Variants in SOX6 observed in about 807,000 individuals in gnomAD.
SOX6 encodes the protein SRY-box transcription factor 6, also known as transcription factor SOX-6.
SOX6 carries 11 observed loss-of-function variants against 97.8 expected under a neutral mutation model. The observed-to-expected ratio is 0.11, with a 90% CI of 0.07 to 0.19. The LOEUF (loss-of-function observed/expected upper bound fraction) is 0.19. SOX6 is among the 10% of genes least tolerant of loss of function. The pLI is 1.00. For missense variants in SOX6, 810 were observed against 1,039.5 expected (o/e 0.78, Z 3.04); for synonymous variants, 360 against 371.4 (o/e 0.97, Z 0.35).
At chr11:16,620,862 T>C (rs1848536244) in intron 3 of SOX6, among the ~76,000 whole-genome samples, 1 of 152,150 alleles carries the variant, frequency 6.6e-6, no homozygotes. Context: ...TGCCATAATT[T>C]TATTTGAGCC....
At chr11:16,153,218 G>A (rs574864210) in intron 6 of SOX6, among the ~76,000 whole-genome samples, 15 of 151,898 alleles carry the variant, frequency 9.9e-5, no homozygotes, top group African/African-American at 3.6e-4. Context: ...ATGTTGGCCA[G>A]GCTGGTCTCA....
chr11:16,443,114 T>G (rs575496618), intron 1 of SOX6, among the ~76,000 whole-genome samples: 1 of 152,320 alleles, frequency 6.6e-6, no homozygotes, highest in East Asian at 1.9e-4. Context: ...TTTATCTCCA[T>G]GTCCTCTCCA....
At chr11:16,543,334 A>T in intron 4 of SOX6, among the ~76,000 whole-genome samples, 1 of 152,108 alleles carries the variant, frequency 6.6e-6, no homozygotes, top group East Asian at 1.9e-4. Flanking sequence ...GAATTTTACA[A>T]TATCAATAAT....
intron 1 of SOX6, among the ~76,000 whole-genome samples, chr11:16,393,661 A>G (rs1251213425): frequency 6.6e-6 from 1 of 152,010 alleles, no homozygotes; most frequent in African/African-American, 2.4e-5. Context: ...TTGGAACCCT[A>G]AGATATCAGG....
chr11:16,079,716 T>TA lies in SOX6; in HGVS notation c.1101+16279dup, dbSNP rs554440963. On this transcript the variant is annotated intron_variant, in intron 9 of 15. Coordinates refer to ENST00000683767, the MANE Select transcript of SOX6 (RefSeq NM_001367873.1). The stretch of plus-strand genomic sequence containing the variant: ...ACATTTTCTTCTGTATTTTTTAAAT[T>TA]AAAAAAAATGTTTTACCCCATTTCA... 7.9e-4 allele frequency among the ~76,000 whole-genome samples: 120 copies of TA among 151,980 alleles called. 1 individual carries two copies. Among genetic ancestry groups the TA allele is most frequent in the Non-Finnish European group, 1.2e-3 (82 of 67,930 alleles).
In SOX6 at chr11:16,389,969, TAAAAA is replaced by T. The variant is rs536056301; in HGVS notation, c.-4-48722_-4-48718del. Among the ~76,000 whole-genome samples the T allele has an allele frequency of 1.0e-3, 43 of 41,850 alleles. 2 individuals are homozygous for T. Among genetic ancestry groups the T allele is most frequent in the South Asian group, 9.4e-3 (5 of 530 alleles). The allele number at this position is 41,850 out of a possible 152,430, so 27.5% of individuals were successfully genotyped here. A position where few individuals can be genotyped will look rare whatever the true frequency, so the allele number is the denominator to read the frequency against. ...TGGGCGACAGGGCAAGACTCCGTCT[TAAAAA>T]AAAAAAAAAAAAAAAAAAAAAAGAA... On this transcript the variant is annotated intron_variant, in intron 1 of 15. Coordinates refer to the SOX6 transcript ENST00000396356.
At chr11:15,976,908 C>T (rs996615636) in intron 15 of SOX6, among the ~76,000 whole-genome samples, 1 of 152,044 alleles carries the variant, frequency 6.6e-6, no homozygotes, top group African/African-American at 2.4e-5. Context: ...TCTCTCTAGG[C>T]CACGAGTCTC....
chr11:16,734,920 T>C (rs1848380506), intron 2 of SOX6, among the ~76,000 whole-genome samples: 1 of 152,164 alleles, frequency 6.6e-6, no homozygotes, highest in Non-Finnish European at 1.5e-5. Context: ...AAGATAATAG[T>C]AGAAAATAAG....
rs76441036 is a variant in SOX6 at position 16,196,169 on chromosome 11, T to G, written c.536-9214A>C. ...GGGAAAAGCTTTATATATTAAGTCA[T>G]CTATTCCTCACAACAGTCCTATGAA... On this transcript the variant is annotated intron_variant, in intron 4 of 15. Transcript: ENST00000683767. 1.9e-3 allele frequency among the ~76,000 whole-genome samples: 288 copies of G among 152,350 alleles called. 5 individuals are homozygous for G. The East Asian group carries it at 0.052, about 28-fold the overall frequency.
chr11:16,514,215 C>CAAA (rs35019872), intron 4 of SOX6, among the ~76,000 whole-genome samples: 124 of 102,632 alleles, frequency 1.2e-3, no homozygotes, highest in East Asian at 6.1e-3. Context: ...GTCCCTGGCT[C>CAAA]AAAAAAAAAA....
chr11:16,082,854 C>A (rs1005528187), intron 9 of SOX6, among the ~76,000 whole-genome samples: 3 of 152,290 alleles, frequency 2.0e-5, no homozygotes, highest in African/African-American at 7.2e-5. Flanking sequence ...GTAAAAGGCA[C>A]TCTGTGATCT....
intron 1 of SOX6, among the ~76,000 whole-genome samples, chr11:16,467,375 A>G (rs1285180341): frequency 6.6e-6 from 1 of 152,218 alleles, no homozygotes; most frequent in African/African-American, 2.4e-5. Context: ...TAGCAAGGAC[A>G]AGAAATCAAC....
chr11:16,693,999 G>A (rs1219314876), intron 3 of SOX6, among the ~76,000 whole-genome samples: 1 of 152,146 alleles, frequency 6.6e-6, no homozygotes, highest in Non-Finnish European at 1.5e-5. Context: ...TCTCCTAGCT[G>A]AGCATTACTC....
intron 7 of SOX6, among the ~76,000 whole-genome samples, chr11:16,110,658 G>A (rs1321619664): frequency 1.3e-5 from 2 of 152,020 alleles, no homozygotes; most frequent in East Asian, 1.9e-4. Context: ...TGAATCATTC[G>A]TGTTTTGCCA....
intron 4 of SOX6, among the ~76,000 whole-genome samples, chr11:16,536,207 C>T (rs1196871894): frequency 6.6e-6 from 1 of 152,176 alleles, no homozygotes; most frequent in Non-Finnish European, 1.5e-5. Flanking sequence ...GAAATAATAT[C>T]TCTCTTCATT....
intron 7 of SOX6, among the ~76,000 whole-genome samples, 170 bp from the exon 8 acceptor site, chr11:16,097,858 C>A (rs1354449468): frequency 6.6e-6 from 1 of 151,800 alleles, no homozygotes; most frequent in Non-Finnish European, 1.5e-5. Flanking sequence ...TGCCTTGGAA[C>A]TTTTTGTTAA....
intron 1 of SOX6, among the ~76,000 whole-genome samples, chr11:16,428,113 C>T (rs1204862637): frequency 6.6e-6 from 1 of 152,200 alleles, no homozygotes; most frequent in Non-Finnish European, 1.5e-5. Flanking sequence ...TGTCTTTTGG[C>T]TGCATAAATG....
At chr11:16,723,507 A>C (rs150527104) in intron 2 of SOX6, among the ~76,000 whole-genome samples, 7 of 152,242 alleles carry the variant, frequency 4.6e-5, no homozygotes, top group African/African-American at 1.2e-4. Context: ...AGAAAAAAAA[A>C]ACTGAGAAAA....
At chr11:15,998,294 C>G (rs939390097) in intron 13 of SOX6, among the ~76,000 whole-genome samples, 5 of 150,098 alleles carry the variant, frequency 3.3e-5, no homozygotes, top group African/African-American at 1.2e-4. Context: ...ATACTAGCAA[C>G]AAACAATTAA....
Sources: gnomAD v4.1 joint callset for allele counts (sites outside exome capture counted in the v4.1 genomes callset) on GRCh38, gnomAD v4.1.1 for gene constraint, MANE v1.5 for transcripts, NCBI Gene and HGNC (gene_info 2026-07-23, HGNC 2026-07-21) for gene names.